Variants in FRMD6 observed in about 807,000 individuals in gnomAD.
FRMD6 encodes the protein FERM domain containing 6, also known as FERM domain-containing protein 6.
Under a neutral mutation model 73.2 loss-of-function variants are expected in FRMD6, and 37 were observed. The observed-to-expected ratio is 0.51, with a 90% CI of 0.39 to 0.66. The LOEUF is 0.66. FRMD6 is among the 30% of genes least tolerant of loss of function. The pLI is 0.00. For missense variants in FRMD6, 714 were observed against 780.5 expected (o/e 0.91, Z 1.02); for synonymous variants, 273 against 282.2 (o/e 0.97, Z 0.33).
At chr14:51,543,777 G>A (rs369163979) in intron 1 of FRMD6, among the ~76,000 whole-genome samples, 1 of 152,084 alleles carries the variant, frequency 6.6e-6, no homozygotes, top group East Asian at 1.9e-4. Context: ...AATTATTTTG[G>A]GCAAGGGAGT....
At chr14:51,485,016 A>AG (rs1264446940), upstream of FRMD6, among the ~76,000 whole-genome samples, 1 of 152,194 alleles carries the variant, frequency 6.6e-6, no homozygotes. Context: ...AAATGAGCTG[A>AG]GGATTAGTTT....
At chr14:51,622,626 C>A (rs1890966626) in intron 2 of FRMD6, among the ~76,000 whole-genome samples, 1 of 152,170 alleles carries the variant, frequency 6.6e-6, no homozygotes, top group South Asian at 2.1e-4. Flanking sequence ...CTAACCAACC[C>A]CCAACACACA....
chr14:51,488,349 A>G (rs1882823742), upstream of FRMD6, among the ~76,000 whole-genome samples: 1 of 152,184 alleles, frequency 6.6e-6, no homozygotes, highest in African/African-American at 2.4e-5. Context: ...CAAAAACAAG[A>G]TGGAATAGAT....
chr14:51,527,616 A>C (rs746579192), intron 1 of FRMD6, among the ~76,000 whole-genome samples: 1 of 152,230 alleles, frequency 6.6e-6, no homozygotes, highest in African/African-American at 2.4e-5. Flanking sequence ...GGTTTCATGA[A>C]TTATGAAAAC....
chr14:51,472,121 A>G, the FRMD6 span, among the ~76,000 whole-genome samples: 2 of 152,108 alleles, frequency 1.3e-5, no homozygotes, highest in Non-Finnish European at 2.9e-5. Flanking sequence ...AAGAATATGC[A>G]TATATTTCCC....
At chr14:51,440,866 A>C in the FRMD6 span, among the ~76,000 whole-genome samples, 1 of 152,220 alleles carries the variant, frequency 6.6e-6, no homozygotes, top group Non-Finnish European at 1.5e-5. Context: ...TCAGAGTAGG[A>C]CATTAAGGCT....
chr14:51,500,113 CTT>C (rs1179238136), intron 1 of FRMD6, among the ~76,000 whole-genome samples: 1 of 152,150 alleles, frequency 6.6e-6, no homozygotes, highest in African/African-American at 2.4e-5. Context: ...ACAATTAAGT[CTT>C]TTAAAATCTG....
intron 12 of FRMD6, among the ~76,000 whole-genome samples, chr14:51,725,160 C>T (rs1020659002): frequency 6.6e-6 from 1 of 152,170 alleles, no homozygotes; most frequent in Admixed American, 6.5e-5. Context: ...CCCTTTTATG[C>T]ATTCACTGTG....
the FRMD6 span, among the ~76,000 whole-genome samples, chr14:51,480,385 C>T: frequency 2.0e-5 from 3 of 152,206 alleles, no homozygotes; most frequent in Admixed American, 6.5e-5. Flanking sequence ...AGAGAACAAA[C>T]GAATTGGGAA....
Position 51,701,098 on chromosome 14 carries a change from A to G in FRMD6, c.233A>G (p.Lys78Arg). 2.5e-6 allele frequency: 4 copies of G among 1,578,638 alleles called. No homozygotes were observed. Among genetic ancestry groups the G allele is most frequent in the Non-Finnish European group, 3.5e-6 (4 of 1,158,904 alleles). Reference protein sequence around the residue: ...VYMELSQKLYKYCPKEWKKEA... With the variant: ...VYMELSQKLYRYCPKEWKKEA... ...ATGGAGTTGTCACAAAAGCTTTACA[A>G]ATATTGTCCAAAAGAATGGAAGAAA... Residue 78 changes from lysine to arginine, a missense_variant, in exon 4 of 14, where the codon AAA becomes AGA. Coordinates refer to ENST00000344768, the MANE Select transcript of FRMD6 (RefSeq NM_001267046.2).
the FRMD6 span, among the ~76,000 whole-genome samples, chr14:51,459,237 C>G: frequency 6.6e-6 from 1 of 152,288 alleles, no homozygotes; most frequent in South Asian, 2.1e-4. Context: ...GCTATTTTTT[C>G]TAACTCTTCT....
At chr14:51,653,867 G>C (rs914060382) in intron 1 of FRMD6, among the ~76,000 whole-genome samples, 1 of 152,164 alleles carries the variant, frequency 6.6e-6, no homozygotes, top group Admixed American at 6.5e-5. Context: ...CATTTAGTAG[G>C]ATTATTAGAT....
intron 2 of FRMD6, among the ~76,000 whole-genome samples, chr14:51,598,054 T>C (rs1889819776): frequency 6.6e-6 from 1 of 152,232 alleles, no homozygotes; most frequent in African/African-American, 2.4e-5. Flanking sequence ...CCCTGATTTC[T>C]CCCCAGTGGA....
chr14:51,700,225 T>G (rs1044447554), intron 3 of FRMD6, among the ~76,000 whole-genome samples: 1 of 151,996 alleles, frequency 6.6e-6, no homozygotes, highest in African/African-American at 2.4e-5. Context: ...CTTGAAACTT[T>G]GTACAGTATA....
chr14:51,730,659 T>C lies in FRMD6; in HGVS notation c.*2630T>C, dbSNP rs1898210530. On this transcript the variant is annotated 3_prime_UTR_variant, in exon 14 of 14. Transcript: ENST00000344768. ...ATGTAAAAAGAAACCTGCATTATTT[T>C]GTAATTATTTCTTATAGATATTTCA... 6.6e-6 allele frequency: 1 copy of C among 152,394 alleles called. No individual in the cohort carries two copies. Among genetic ancestry groups the C allele is most frequent in the Non-Finnish European group, 1.5e-5 (1 of 68,036 alleles). The allele number at this position is 152,394 out of a possible 1,614,324, so 9.4% of individuals were successfully genotyped here.
chr14:51,667,487 T>G (rs999416039), intron 1 of FRMD6, among the ~76,000 whole-genome samples: 1 of 152,224 alleles, frequency 6.6e-6, no homozygotes, highest in Non-Finnish European at 1.5e-5. Flanking sequence ...CAGAAATGTT[T>G]TATGTATTTT....
Position 51,720,350 on chromosome 14 carries a change from T to C in FRMD6, c.1320T>C (p.Ser440=), listed in dbSNP as rs753537040. 3 of 1,613,090 alleles carry C rather than the reference T, an allele frequency of 1.9e-6. No individual in the cohort carries two copies. Among genetic ancestry groups the C allele is most frequent in the African/African-American group, 2.7e-5 (2 of 74,710 alleles). ...GCTCCCACACCTCAGGGGTGGAGAG[T>C]GGCGGCAAAGACCGGCTGGAAGAGG... ...HGSSHTSGVE[S]GGKDRLEEDL... The change falls in exon 11 of 14, where the codon AGT becomes AGC. Residue 440 remains serine (S), a synonymous_variant. Coordinates refer to ENST00000344768, the MANE Select transcript of FRMD6 (RefSeq NM_001267046.2).
In FRMD6 at chr14:51,531,387, A is replaced by G. The variant is rs572603292; in HGVS notation, c.-209-38961A>G. On this transcript the variant is annotated intron_variant, in intron 1 of 14. Transcript: ENST00000356218. ...CCAAAATTGAGGGATAAGCAACAAG[A>G]TAACTGACCATTATTTTCAAAAGTA... is the stretch of plus-strand genomic sequence containing the variant. Among the ~76,000 whole-genome samples the G allele has an allele frequency of 1.2e-4, 19 of 152,354 alleles. No homozygotes were observed. In the South Asian group the frequency reaches 3.9e-3, roughly 32 times the overall value.
chr14:51,411,242 G>T, the FRMD6 span, among the ~76,000 whole-genome samples: 1 of 152,164 alleles, frequency 6.6e-6, no homozygotes, highest in African/African-American at 2.4e-5. Flanking sequence ...TTTGAATTCA[G>T]AAATGCTTAA....
Sources: gnomAD v4.1 joint callset for allele counts (sites outside exome capture counted in the v4.1 genomes callset) on GRCh38, gnomAD v4.1.1 for gene constraint, MANE v1.5 for transcripts, NCBI Gene and HGNC (gene_info 2026-07-23, HGNC 2026-07-21) for gene names.